The following EGFLAM variants were observed in gnomAD, a reference collection of about 807,000 sequenced individuals.
EGFLAM encodes EGF like, fibronectin type III and laminin G domains.
A neutral mutation model predicts 113.1 loss-of-function variants in EGFLAM; 79 were observed. The observed-to-expected ratio is 0.70, with a 90% CI of 0.58 to 0.84. EGFLAM has a LOEUF of 0.84. EGFLAM is among the 40% of genes least tolerant of loss of function. The probability of loss-of-function intolerance (pLI) is 0.00; values close to 1 mark genes in which losing one functional copy is unlikely to be tolerated. For missense variants in EGFLAM, 1,265 were observed against 1,291.6 expected, an observed-to-expected ratio of 0.98 and a Z score of 0.32; for synonymous variants, 504 against 487.6, an observed-to-expected ratio of 1.03 and a Z score of -0.44.
At chr5:38,298,670 A>T (rs1005934677) in intron 1 of EGFLAM, among the ~76,000 whole-genome samples, 7 of 152,166 alleles carry the variant, frequency 4.6e-5, no homozygotes, top group Non-Finnish European at 8.8e-5. Flanking sequence ...AATGTTTATT[A>T]TATATTAAGC....
intron 1 of EGFLAM, among the ~76,000 whole-genome samples, chr5:38,329,856 GTC>G (rs1445488938): frequency 6.6e-6 from 1 of 152,044 alleles, no homozygotes; most frequent in African/African-American, 2.4e-5. Context: ...GTGTCCCTAT[GTC>G]TCTCTTCATC....
At chr5:38,375,163 G>T (rs1740333586) in intron 6 of EGFLAM, among the ~76,000 whole-genome samples, 1 of 150,958 alleles carries the variant, frequency 6.6e-6, no homozygotes, top group Admixed American at 6.6e-5. Flanking sequence ...AACTCGTAAG[G>T]CATATTGCAC....
chr5:38,258,788 C>T lies in EGFLAM; in HGVS notation c.34C>T (p.Leu12=). The change falls in exon 1 of 22, where the codon CTG becomes TTG. Residue 12 remains leucine, a synonymous_variant. Coordinates refer to ENST00000322350, the MANE Select transcript of EGFLAM (RefSeq NM_152403.4). ...AATCCGAGGCGTCTTGCTCCGGCTC[C>T]TGCTCCTGGCTTCCAGCCTCGGACC... ...DLIRGVLLRL[L]LLASSLGPGA... The T allele has an allele frequency of 1.2e-6, 2 of 1,612,398 alleles. No individual in the cohort carries two copies. The highest frequency in any genetic ancestry group is 1.7e-6 in the Non-Finnish European group (2 of 1,179,548).
chr5:38,318,066 T>C (rs570591955), intron 1 of EGFLAM, among the ~76,000 whole-genome samples: 3 of 152,266 alleles, frequency 2.0e-5, no homozygotes, highest in South Asian at 2.1e-4. Context: ...GTTTCTGTTA[T>C]TGATTTTCAG....
At chr5:38,264,968 C>T (rs2111691817) in intron 1 of EGFLAM, among the ~76,000 whole-genome samples, 1 of 152,328 alleles carries the variant, frequency 6.6e-6, no homozygotes, top group African/African-American at 2.4e-5. Flanking sequence ...CATAAGGAAG[C>T]ACTTCTCTCT....
intron 1 of EGFLAM, among the ~76,000 whole-genome samples, chr5:38,308,605 C>T (rs997995825): frequency 6.6e-5 from 10 of 151,978 alleles, no homozygotes; most frequent in Non-Finnish European, 1.5e-4. Context: ...AGGGTCACCC[C>T]AAGGTTTAAA....
At chr5:38,441,465 AGTGGACCCATCCT>A (rs562108593) in intron 17 of EGFLAM, among the ~76,000 whole-genome samples, 108 of 152,050 alleles carry the variant, frequency 7.1e-4, no homozygotes, top group Non-Finnish European at 1.3e-3. Context: ...ACTTGCATCC[AGTGGACCCATCCT>A]GTGTCCCAGT....
intron 1 of EGFLAM, among the ~76,000 whole-genome samples, chr5:38,332,083 A>C (rs1739057373): frequency 6.6e-6 from 1 of 152,142 alleles, no homozygotes; most frequent in South Asian, 2.1e-4. Context: ...CCTTGCCAAA[A>C]TTTTGTGTTG....
At chr5:38,452,098 G>A (rs1317819976) in intron 19 of EGFLAM, among the ~76,000 whole-genome samples, 5 of 147,940 alleles carry the variant, frequency 3.4e-5, no homozygotes, top group Non-Finnish European at 6.0e-5. Flanking sequence ...GTGCAGTGGC[G>A]CAATCTCGGC....
At chr5:38,322,350 G>A (rs1439410836) in intron 1 of EGFLAM, among the ~76,000 whole-genome samples, 1 of 152,170 alleles carries the variant, frequency 6.6e-6, no homozygotes, top group Non-Finnish European at 1.5e-5. Context: ...AGGAGTGGAT[G>A]GAGCACAGGC....
In EGFLAM at chr5:38,258,741, G is replaced by A. The variant is rs765757635; in HGVS notation, c.-14G>A. On this transcript the variant is annotated 5_prime_UTR_variant, in exon 1 of 22. Transcript: ENST00000322350. The stretch of plus-strand genomic sequence containing the variant: ...CCCGGGACTTGGTGAAACTTTGCAG[G>A]CGCCGGCTGCGAAATGGATTTAATC... 22 of 1,602,292 alleles carry A rather than the reference G, an allele frequency of 1.4e-5. No individual in the cohort carries two copies. The highest frequency in any genetic ancestry group is 1.9e-5 in the Non-Finnish European group (22 of 1,174,334).
chr5:38,322,783 T>A (rs1322209530), intron 1 of EGFLAM, among the ~76,000 whole-genome samples: 1 of 152,256 alleles, frequency 6.6e-6, no homozygotes, highest in Non-Finnish European at 1.5e-5. Flanking sequence ...AAGGGAAGCA[T>A]GATTGTGATG....
intron 1 of EGFLAM, among the ~76,000 whole-genome samples, chr5:38,283,004 A>C (rs540331793): frequency 5.9e-5 from 9 of 152,220 alleles, no homozygotes; most frequent in Middle Eastern, 3.4e-3. Flanking sequence ...GGCATGTGCC[A>C]CCACACCAGG....
At chr5:38,301,694 G>C (rs779910150) in intron 1 of EGFLAM, among the ~76,000 whole-genome samples, 2 of 152,170 alleles carry the variant, frequency 1.3e-5, no homozygotes, top group South Asian at 4.2e-4. Flanking sequence ...ATTATGCTTG[G>C]GTCATGGAGC....
At chr5:38,290,238 C>G (rs181669839) in intron 1 of EGFLAM, among the ~76,000 whole-genome samples, 77 of 152,284 alleles carry the variant, frequency 5.1e-4, no homozygotes, top group Middle Eastern at 6.8e-3. Flanking sequence ...AACAGCGCTC[C>G]GCACTGTGGG....
chr5:38,261,571 C>G (rs1757502044), intron 1 of EGFLAM, among the ~76,000 whole-genome samples: 1 of 152,148 alleles, frequency 6.6e-6, no homozygotes, highest in African/African-American at 2.4e-5. Flanking sequence ...GAGCTCAGAA[C>G]ACTGTGTTTG....
At chr5:38,399,515 C>T (rs951726559) in intron 6 of EGFLAM, among the ~76,000 whole-genome samples, 71 of 152,006 alleles carry the variant, frequency 4.7e-4, no homozygotes, top group African/African-American at 1.6e-3. Flanking sequence ...TGAGCTCAAG[C>T]GATCCACCCA....
chr5:38,432,700 C>A (rs1310870717), intron 15 of EGFLAM, among the ~76,000 whole-genome samples: 1 of 152,168 alleles, frequency 6.6e-6, no homozygotes, highest in African/African-American at 2.4e-5. Context: ...TAGTTGCAAA[C>A]ATCTGTAAAA....
At chr5:38,462,251 T>C (rs1045272781) in intron 20 of EGFLAM, among the ~76,000 whole-genome samples, 1 of 152,212 alleles carries the variant, frequency 6.6e-6, no homozygotes, top group African/African-American at 2.4e-5. Flanking sequence ...AACTGCTTCA[T>C]TGGCTTCTCA....
Sources: allele counts gnomAD v4.1 joint callset (sites outside exome capture counted in the v4.1 genomes callset), GRCh38; gene constraint gnomAD v4.1.1; transcripts MANE v1.5; gene names NCBI Gene and HGNC (gene_info 2026-07-23, HGNC 2026-07-21).